The following SPAG9 variants were observed in gnomAD, a reference collection of about 807,000 sequenced individuals.
SPAG9 encodes the protein C-Jun-amino-terminal kinase-interacting protein 4.
Under a neutral mutation model 166.5 loss-of-function variants are expected in SPAG9, and 35 were observed. The observed-to-expected ratio is 0.21, with a 90% CI of 0.16 to 0.28. SPAG9 has a LOEUF of 0.28. Among genes scored for constraint, SPAG9 ranks in the 10% least tolerant of loss-of-function variants. SPAG9 has a pLI of 1.00. For synonymous variants in SPAG9, 534 were observed against 565.5 expected (o/e 0.94, Z 0.79); for missense variants, 1,235 against 1,603.3 (o/e 0.77, Z 3.92).
intron 2 of SPAG9, among the ~76,000 whole-genome samples, chr17:51,066,716 A>AC (rs2047682232): frequency 6.6e-6 from 1 of 151,632 alleles, no homozygotes; most frequent in Non-Finnish European, 1.5e-5. Flanking sequence ...ACATGGTGAA[A>AC]CCCCGTCTCT....
At chr17:51,070,551 C>A (rs1568059685) in intron 2 of SPAG9, among the ~76,000 whole-genome samples, 1 of 152,066 alleles carries the variant, frequency 6.6e-6, no homozygotes, top group Non-Finnish European at 1.5e-5. Flanking sequence ...GAAAAAATGA[C>A]CAACCAACCA....
intron 1 of SPAG9, among the ~76,000 whole-genome samples, chr17:51,091,273 C>CA (rs77408635): frequency 0.081 from 3,979 of 49,104 alleles, 207 homozygotes; most frequent in African/African-American, 0.23. Context: ...ACCCTGTATA[C>CA]AAAAAAAAAA....
At chr17:51,096,071 A>AGTGATATAT (rs1568084260) in intron 1 of SPAG9, among the ~76,000 whole-genome samples, 1 of 137,456 alleles carries the variant, frequency 7.3e-6, no homozygotes, top group African/African-American at 2.6e-5. Flanking sequence ...ATATATATAT[A>AGTGATATAT]AAGTGGTTTC....
In SPAG9 at chr17:51,026,076, A is replaced by T. The variant is rs534802022; in HGVS notation, c.784-4711T>A. 3.9e-5 allele frequency among the ~76,000 whole-genome samples: 6 copies of T among 152,276 alleles called. No homozygotes were observed. In the East Asian group the frequency reaches 1.2e-3, roughly 29 times the overall value. On this transcript the variant is annotated intron_variant, in intron 6 of 29. Transcript: ENST00000262013. ...GTCAAAAATAAATAATTTGAGGTCA[A>T]TCTTGGAATTCTCATTTACCTCTTA... is the stretch of plus-strand genomic sequence containing the variant.
intron 1 of SPAG9, among the ~76,000 whole-genome samples, chr17:51,102,319 G>A (rs1324377069): frequency 6.6e-6 from 1 of 150,740 alleles, no homozygotes; most frequent in Non-Finnish European, 1.5e-5. Context: ...CACGAGAATC[G>A]CTTGAACCTA....
chr17:50,980,490 C>A (rs1322082778), intron 25 of SPAG9, among the ~76,000 whole-genome samples: 1 of 151,340 alleles, frequency 6.6e-6, no homozygotes, highest in South Asian at 2.1e-4. Flanking sequence ...CAAGCATGAG[C>A]CACCGCACCT....
At chr17:51,040,846 A>G (rs1340734692) in intron 5 of SPAG9, among the ~76,000 whole-genome samples, 13 of 152,234 alleles carry the variant, frequency 8.5e-5, no homozygotes, top group Admixed American at 8.5e-4. Flanking sequence ...TAAGGTAACA[A>G]AAGATCTTTT....
chr17:51,077,065 GCTAGCTATCTAGCTATCTAGCTAGCTAT>G (rs2048025812), intron 2 of SPAG9, among the ~76,000 whole-genome samples: 5 of 114,270 alleles, frequency 4.4e-5, no homozygotes, highest in South Asian at 2.9e-4. Flanking sequence ...TAGCTATCTA[GCTAGCTATCTAGCTATCTAGCTAGCTAT>G]CTATCTAGCT....
At chr17:51,048,597 T>C (rs1366060292) in intron 3 of SPAG9, among the ~76,000 whole-genome samples, 1 of 152,182 alleles carries the variant, frequency 6.6e-6, no homozygotes, top group African/African-American at 2.4e-5. Flanking sequence ...CACTGTAGCA[T>C]ATTAAGTAAC....
chr17:51,016,048 A>G (rs2144119672), intron 8 of SPAG9, among the ~76,000 whole-genome samples: 1 of 152,282 alleles, frequency 6.6e-6, no homozygotes, highest in East Asian at 1.9e-4. Flanking sequence ...AAAAATGAGC[A>G]AGAACTCAAA....
chr17:51,080,692 C>A (rs1386475926), intron 1 of SPAG9, among the ~76,000 whole-genome samples: 1 of 151,892 alleles, frequency 6.6e-6, no homozygotes, highest in East Asian at 1.9e-4. Context: ...ACCAACCTGG[C>A]CAACATGCTG....
chr17:50,981,545 G>T (rs1397527487), intron 25 of SPAG9, among the ~76,000 whole-genome samples: 1 of 151,522 alleles, frequency 6.6e-6, no homozygotes, highest in Non-Finnish European at 1.5e-5. Flanking sequence ...AAGAAAGAAA[G>T]AATAGATAGA....
At chr17:50,995,668 T>G (rs1214582398) in intron 16 of SPAG9, 135 bp from the exon 17 acceptor site, 2 of 633,578 alleles carry the variant, frequency 3.2e-6, no homozygotes, top group Non-Finnish European at 5.5e-6. Context: ...GGTTTTTTGT[T>G]TTTTTGTTTT....
At chr17:51,080,886 C>CAAAAAAA (rs200436430) in intron 1 of SPAG9, among the ~76,000 whole-genome samples, 1 of 67,850 alleles carries the variant, frequency 1.5e-5, no homozygotes. Context: ...GACTCTATCT[C>CAAAAAAA]AAAAAAAAAA....
chr17:51,110,738 T>A (rs2049085178), intron 1 of SPAG9, among the ~76,000 whole-genome samples: 1 of 152,068 alleles, frequency 6.6e-6, no homozygotes, highest in Non-Finnish European at 1.5e-5. Context: ...CTCTATTACA[T>A]TAATATATAA....
intron 25 of SPAG9, among the ~76,000 whole-genome samples, chr17:50,980,177 G>C (rs1974491675): frequency 6.6e-6 from 1 of 151,964 alleles, no homozygotes; most frequent in African/African-American, 2.4e-5. Flanking sequence ...CTATGTAACA[G>C]TGCTCAACAG....
At chr17:51,082,452 A>C (rs1238507063) in intron 1 of SPAG9, among the ~76,000 whole-genome samples, 1 of 149,670 alleles carries the variant, frequency 6.7e-6, no homozygotes, top group African/African-American at 2.4e-5. Flanking sequence ...TTTTCTTTAG[A>C]GTACTTAACC....
At chr17:51,020,590 G>C (rs1256415329) in intron 7 of SPAG9, among the ~76,000 whole-genome samples, 1 of 152,182 alleles carries the variant, frequency 6.6e-6, no homozygotes, top group African/African-American at 2.4e-5. Flanking sequence ...GGACAGAAAA[G>C]AACTGTCCTC....
intron 26 of SPAG9, among the ~76,000 whole-genome samples, chr17:50,978,117 G>A (rs1384604071): frequency 6.6e-6 from 1 of 152,154 alleles, no homozygotes; most frequent in Non-Finnish European, 1.5e-5. Flanking sequence ...TTTTACAACT[G>A]ATCTTATTTT....
Sources: gnomAD v4.1 joint callset for allele counts (sites outside exome capture counted in the v4.1 genomes callset) on GRCh38, gnomAD v4.1.1 for gene constraint, MANE v1.5 for transcripts, NCBI Gene and HGNC (gene_info 2026-07-23, HGNC 2026-07-21) for gene names.